Variants in CPA5 observed in about 807,000 individuals in gnomAD.
The protein encoded by CPA5 is testicular tissue protein Li 32.
A neutral mutation model predicts 52.2 loss-of-function variants in CPA5; 38 were observed. The ratio of observed to expected loss-of-function variants is 0.73; its 90% confidence interval spans 0.56 to 0.95. The LOEUF is 0.95. Among genes scored for constraint, CPA5 ranks in the 40% least tolerant of loss-of-function variants. CPA5 has a pLI of 0.00. For synonymous variants in CPA5, 198 were observed against 213.7 expected, an observed-to-expected ratio of 0.93 and a Z score of 0.64; for missense variants, 519 against 566.7, an observed-to-expected ratio of 0.92 and a Z score of 0.86.
chr7:130,373,598 A>G (rs1562965031), downstream of CPA5, among the ~76,000 whole-genome samples: 1 of 152,218 alleles, frequency 6.6e-6, no homozygotes, highest in Non-Finnish European at 1.5e-5. Flanking sequence ...GGGGCCCTTC[A>G]CACCCCGATC....
In CPA5 at chr7:130,361,257, A is replaced by G. The variant is rs1554406603; in HGVS notation, c.534+13A>G. The G allele has an allele frequency of 6.4e-7, 1 of 1,564,586 alleles. No homozygotes were observed. Among genetic ancestry groups the G allele is most frequent in the East Asian group, 2.2e-5 (1 of 44,636 alleles). The stretch of plus-strand genomic sequence containing the variant: ...TCTTGTCCTGAAGGTAAAAGCCCAC[A>G]ATGTCAACCTGTAGACTCTACCTTG... On this transcript the variant is annotated intron_variant, in intron 7 of 12. Transcript: ENST00000474905.
chr7:130,361,227 T>A lies in CPA5; in HGVS notation c.517T>A (p.Ser173Thr). 2 of 1,612,294 alleles carry A rather than the reference T, an allele frequency of 1.2e-6. No homozygotes were observed. The highest frequency in any genetic ancestry group is 1.7e-6 in the Non-Finnish European group (2 of 1,178,334). Reference sequence around the variant, plus strand: ...GATTGGCAACAGCTTTGAAAACCAGTCCATTCTTGTCCTGAAGGTAAAAGC... The same window carrying A: ...GATTGGCAACAGCTTTGAAAACCAGACCATTCTTGTCCTGAAGGTAAAAGC... Reference protein sequence around the residue: ...IQIGNSFENQSILVLKFSTGG... With the variant: ...IQIGNSFENQTILVLKFSTGG... Residue 173 changes from serine to threonine, a missense_variant, in exon 7 of 13, where the codon TCC (serine) becomes ACC (threonine). Physicochemically the swap from Ser to Thr is moderately conservative, Grantham distance 58. Transcript: ENST00000474905.
Position 130,368,625 on chromosome 7 carries a change from T to C in CPA5, c.*28T>C. 1.2e-6 allele frequency: 2 copies of C among 1,612,190 alleles called. No homozygotes were observed. Among genetic ancestry groups the C allele is most frequent in the Non-Finnish European group, 1.7e-6 (2 of 1,179,026 alleles). Reference sequence around the variant, plus strand: ...GCACGACTGAGGGCAGGAGGCTCCATCCTTCTCCCCAAGGTCTGTGGCTCC... The same window carrying C: ...GCACGACTGAGGGCAGGAGGCTCCACCCTTCTCCCCAAGGTCTGTGGCTCC... On this transcript the variant is annotated 3_prime_UTR_variant, in exon 13 of 13. Transcript: ENST00000474905.
chr7:130,365,883 C>T (rs1044623174), intron 10 of CPA5, among the ~76,000 whole-genome samples: 4 of 152,230 alleles, frequency 2.6e-5, no homozygotes, highest in African/African-American at 9.6e-5. Context: ...GCAGACATAA[C>T]AAACAAGGCC....
At chr7:130,362,724 C>T (rs1344963806) in intron 8 of CPA5, among the ~76,000 whole-genome samples, 160 bp from the exon 9 acceptor site, 1 of 152,324 alleles carries the variant, frequency 6.6e-6, no homozygotes, top group East Asian at 1.9e-4. Flanking sequence ...GATCCCCTGC[C>T]TTCTAGTTGT....
At chr7:130,367,833 C>A in intron 11 of CPA5, 73 bp from the exon 12 acceptor site, 1 of 1,291,284 alleles carries the variant, frequency 7.7e-7, no homozygotes, top group Non-Finnish European at 1.1e-6. Context: ...TTCTCACCAG[C>A]TGGTGAGGGT....
At position 130,367,522 on chromosome 7, in the gene CPA5, T is replaced by C. The variant is rs1327652193; in HGVS notation, c.989T>C (p.Met330Thr). The change falls in exon 11 of 13, where the codon ATG becomes ACG. Residue 330 changes from methionine to threonine, a missense_variant. Met to Thr is a moderately conservative substitution (Grantham distance 81). Transcript: ENST00000474905. ...ISIHSYSQML[M>T]YPYGRLLEPV... Reference sequence around the variant, plus strand: ...ATCCACAGCTACTCTCAGATGCTTATGTACCCTTACGGCCGATTGCTGGAG... The same window carrying C: ...ATCCACAGCTACTCTCAGATGCTTACGTACCCTTACGGCCGATTGCTGGAG... The C allele has an allele frequency of 1.2e-6, 2 of 1,614,044 alleles. No individual in the cohort carries two copies. Among genetic ancestry groups the C allele is most frequent in the Admixed American group, 1.7e-5 (1 of 59,984 alleles).
At chr7:130,370,160 G>A (rs1266467783), downstream of CPA5, among the ~76,000 whole-genome samples, 1 of 152,230 alleles carries the variant, frequency 6.6e-6, no homozygotes, top group Non-Finnish European at 1.5e-5. Flanking sequence ...GGCACAGCAG[G>A]CACTGGCTGG....
At chr7:130,348,228 G>T (rs1458722921) in intron 4 of CPA5, among the ~76,000 whole-genome samples, 1 of 152,206 alleles carries the variant, frequency 6.6e-6, no homozygotes, top group Non-Finnish European at 1.5e-5. Context: ...AAGTGAAACG[G>T]CTTAGCTTGG....
In CPA5 at chr7:130,360,036, G is replaced by A. The variant is rs79727481; in HGVS notation, c.432+349G>A. 9.0e-3 allele frequency among the ~76,000 whole-genome samples: 1,367 copies of A among 152,204 alleles called. 16 individuals carry two copies. The highest frequency in any genetic ancestry group is 0.032 in the African/African-American group (1,314 of 41,498). Reference sequence around the variant, plus strand: ...TTCATCTTGACAGAGCAGGAGCGTCGCCATCTTGAACAAACACCACCATTC... The same window carrying A: ...TTCATCTTGACAGAGCAGGAGCGTCACCATCTTGAACAAACACCACCATTC... On this transcript the variant is annotated intron_variant, in intron 6 of 12. Coordinates refer to ENST00000474905, the MANE Select transcript of CPA5 (RefSeq NM_080385.5).
chr7:130,357,698 T>G (rs1317392507), intron 5 of CPA5, among the ~76,000 whole-genome samples: 3 of 151,844 alleles, frequency 2.0e-5, no homozygotes, highest in Non-Finnish European at 4.4e-5. Flanking sequence ...ATAGAAAAAA[T>G]TTACTCCAAA....
Position 130,361,253 on chromosome 7 carries a change from C to T in CPA5, c.534+9C>T. The T allele has an allele frequency of 6.3e-7, 1 of 1,586,232 alleles. No individual in the cohort carries two copies. Among genetic ancestry groups the T allele is most frequent in the Non-Finnish European group, 8.7e-7 (1 of 1,154,742 alleles). On this transcript the variant is annotated intron_variant, in intron 7 of 12. Coordinates refer to ENST00000474905, the MANE Select transcript of CPA5 (RefSeq NM_080385.5). The stretch of plus-strand genomic sequence containing the variant: ...CCATTCTTGTCCTGAAGGTAAAAGC[C>T]CACAATGTCAACCTGTAGACTCTAC...
chr7:130,348,505 C>T lies in CPA5; in HGVS notation c.198+658C>T, dbSNP rs117115461. Among the ~76,000 whole-genome samples, 105 of 152,238 alleles carry T rather than the reference C, an allele frequency of 6.9e-4. No homozygotes were observed. The East Asian group carries it at 0.014, about 20-fold the overall frequency. ...ATTTTACTAATTGAAAAATAGGCAT[C>T]GCAAAAGGCTGACCTAGGGACCCAG... On this transcript the variant is annotated intron_variant, in intron 4 of 12. Coordinates refer to ENST00000474905, the MANE Select transcript of CPA5 (RefSeq NM_080385.5).
intron 5 of CPA5, among the ~76,000 whole-genome samples, chr7:130,354,104 T>G (rs782583378): frequency 1.3e-5 from 2 of 152,018 alleles, no homozygotes; most frequent in Non-Finnish European, 2.9e-5. Context: ...ATTTTTGTAT[T>G]TTTTGTAGAG....
rs369785621 is a variant in CPA5, at chr7:130,353,717, C to T, written c.333+3608C>T. 4.6e-5 allele frequency among the ~76,000 whole-genome samples: 7 copies of T among 152,260 alleles called. No individual in the cohort carries two copies. In the South Asian group the frequency reaches 8.3e-4, roughly 18 times the overall value. ...ACCCCCGAGGGCCCATGCGCCATCT[C>T]GTCCCTCACCTGGGTTCTTCCAGTT... On this transcript the variant is annotated intron_variant, in intron 5 of 12. Transcript: ENST00000474905.
intron 12 of CPA5, 122 bp downstream of exon 12, chr7:130,368,112 A>C (rs1418107178): frequency 1.1e-6 from 1 of 923,806 alleles, no homozygotes; most frequent in Non-Finnish European, 1.7e-6. Context: ...TAGAAGGGTG[A>C]ACAGTGGTAC....
At chr7:130,347,513 T>C (rs1247028341) in intron 3 of CPA5, among the ~76,000 whole-genome samples, 1 of 152,082 alleles carries the variant, frequency 6.6e-6, no homozygotes, top group Non-Finnish European at 1.5e-5. Flanking sequence ...ACAGGCTTTA[T>C]TTAGCCCCCG....
intron 6 of CPA5, 149 bp from the exon 7 acceptor site, chr7:130,360,994 C>T (rs1218073883): frequency 3.3e-6 from 2 of 598,456 alleles, no homozygotes; most frequent in African/African-American, 1.9e-5. Flanking sequence ...TTTTGCAATT[C>T]TTTATCTGGG....
chr7:130,348,998 C>T (rs942547032), intron 4 of CPA5, among the ~76,000 whole-genome samples: 4 of 152,190 alleles, frequency 2.6e-5, no homozygotes, highest in Admixed American at 6.5e-5. Context: ...CCGACTGTCG[C>T]GGTGTTGCAG....
Sources: allele counts gnomAD v4.1 joint callset (sites outside exome capture counted in the v4.1 genomes callset), GRCh38; gene constraint gnomAD v4.1.1; transcripts MANE v1.5; gene names NCBI Gene and HGNC (gene_info 2026-07-23, HGNC 2026-07-21).